The following FGF12 variants were observed in gnomAD, a reference collection of about 807,000 sequenced individuals.
The protein encoded by FGF12 is fibroblast growth factor 12B.
FGF12 carries 14 observed loss-of-function variants against 23.6 expected under a neutral mutation model. The observed-to-expected ratio is 0.59, with a 90% CI of 0.39 to 0.93. The LOEUF (loss-of-function observed/expected upper bound fraction) is 0.93, where lower values mean the gene tolerates loss of function less well. Ranked by LOEUF, FGF12 falls within the 40% of genes least tolerant of loss-of-function variation. FGF12 has a pLI of 0.00. For synonymous variants in FGF12, 62 were observed against 77.3 expected (o/e 0.80, Z 1.04); for missense variants, 175 against 217.8 (o/e 0.80, Z 1.24).
At chr3:192,230,535 T>G (rs949044742) in intron 4 of FGF12, among the ~76,000 whole-genome samples, 1 of 152,052 alleles carries the variant, frequency 6.6e-6, no homozygotes, top group African/African-American at 2.4e-5. Context: ...AGAGAAAAAA[T>G]GCTTTGGATG....
At chr3:192,221,349 A>G (rs1718466807) in intron 4 of FGF12, among the ~76,000 whole-genome samples, 1 of 152,204 alleles carries the variant, frequency 6.6e-6, no homozygotes, top group Non-Finnish European at 1.5e-5. Flanking sequence ...AATCTGACAG[A>G]TCAGCCAATG....
intron 2 of FGF12, among the ~76,000 whole-genome samples, chr3:192,689,795 T>A (rs760714728): frequency 4.0e-5 from 6 of 151,586 alleles, no homozygotes; most frequent in Admixed American, 6.6e-5. Flanking sequence ...GAAATGAACA[T>A]GCAGGTACAT....
At chr3:192,559,992 A>G (rs988810030) in intron 2 of FGF12, among the ~76,000 whole-genome samples, 2 of 152,134 alleles carry the variant, frequency 1.3e-5, no homozygotes, top group Non-Finnish European at 2.9e-5. Flanking sequence ...ATGATATACC[A>G]TAAAATAAGT....
intron 2 of FGF12, among the ~76,000 whole-genome samples, chr3:192,367,095 A>G (rs1719018799): frequency 6.6e-6 from 1 of 152,206 alleles, no homozygotes; most frequent in African/African-American, 2.4e-5. Context: ...CTGAGTGAGA[A>G]TGAAAGGTCT....
At chr3:192,203,133 T>TTGTGTG (rs57503863) in intron 4 of FGF12, among the ~76,000 whole-genome samples, 67 of 148,190 alleles carry the variant, frequency 4.5e-4, no homozygotes, top group African/African-American at 9.1e-4. Context: ...CATTAAATAT[T>TTGTGTG]TGTGTGTGTG....
rs144558083 is a variant in FGF12 at position 192,321,446 on chromosome 3, C to T, written c.228+13915G>A. Among the ~76,000 whole-genome samples the T allele has an allele frequency of 1.1e-3, 164 of 150,582 alleles. 1 individual carries two copies. The highest frequency in any genetic ancestry group is 3.8e-3 in the African/African-American group (155 of 41,106). On this transcript the variant is annotated intron_variant, in intron 4 of 5. Coordinates refer to ENST00000445105, the MANE Select transcript of FGF12 (RefSeq NM_004113.6). ...ATAGAAGAGGAGGGAATAATACTCA[C>T]TCTGTGAGGCCAGTACTACCCCTGA...
intron 2 of FGF12, among the ~76,000 whole-genome samples, chr3:192,582,884 C>T (rs1333738600): frequency 6.6e-6 from 1 of 152,164 alleles, no homozygotes; most frequent in Non-Finnish European, 1.5e-5. Flanking sequence ...CCCTTCCTCA[C>T]ATCCCTAGCC....
intron 4 of FGF12, among the ~76,000 whole-genome samples, chr3:192,212,397 AG>A (rs111363613): frequency 4.6e-5 from 7 of 152,082 alleles, no homozygotes; most frequent in South Asian, 2.1e-4. Flanking sequence ...AGTTAGTTTC[AG>A]GAAAAAAAAA....
At chr3:192,331,311 C>CAAAAAAAAAAAAAAAAAAA (rs201997868) in intron 4 of FGF12, among the ~76,000 whole-genome samples, 1 of 95,988 alleles carries the variant, frequency 1.0e-5, no homozygotes, top group Non-Finnish European at 2.3e-5. Flanking sequence ...GGAGTTTTCT[C>CAAAAAAAAAAAAAAAAAAA]AAAAAAAAAA....
chr3:192,584,753 T>C (rs1713303537), intron 2 of FGF12, among the ~76,000 whole-genome samples: 2 of 152,096 alleles, frequency 1.3e-5, no homozygotes, highest in Non-Finnish European at 2.9e-5. Flanking sequence ...CTAAGATTTT[T>C]TCCTTTCTCT....
chr3:192,640,139 A>G (rs1177824062), intron 2 of FGF12, among the ~76,000 whole-genome samples: 1 of 152,146 alleles, frequency 6.6e-6, no homozygotes, highest in Non-Finnish European at 1.5e-5. Context: ...AGGATGTGGT[A>G]CAACATGAGG....
rs35183560 is a variant in FGF12, at chr3:192,311,927, GTCTATCTATCTA to G, written c.228+23422_228+23433del. Among the ~76,000 whole-genome samples, 478 of 145,456 alleles carry G rather than the reference GTCTATCTATCTA, an allele frequency of 3.3e-3. 4 individuals are homozygous for G. The highest frequency in any genetic ancestry group is 0.011 in the South Asian group (48 of 4,506). ...CATTTCACATTGCTATTGACTGTCT[GTCTATCTATCTA>G]TCTATCTATCTATCTATCTATCTAT... On this transcript the variant is annotated intron_variant, in intron 4 of 5. Transcript: ENST00000445105.
At chr3:192,549,503 C>T (rs975136183) in intron 2 of FGF12, among the ~76,000 whole-genome samples, 2 of 152,038 alleles carry the variant, frequency 1.3e-5, no homozygotes, top group Non-Finnish European at 2.9e-5. Flanking sequence ...AGGATAAAAT[C>T]ACATTTGAAA....
At chr3:192,571,483 C>T (rs753806219) in intron 2 of FGF12, among the ~76,000 whole-genome samples, 4 of 152,238 alleles carry the variant, frequency 2.6e-5, no homozygotes, top group African/African-American at 4.8e-5. Flanking sequence ...GCGGCATCAA[C>T]AGGCAGAAGG....
chr3:192,166,735 T>TGTTA (rs1715181247), intron 5 of FGF12, among the ~76,000 whole-genome samples: 1 of 152,188 alleles, frequency 6.6e-6, no homozygotes, highest in Admixed American at 6.5e-5. Flanking sequence ...TTTATAAAAC[T>TGTTA]GTTAGCTAAG....
chr3:192,725,629 A>G (rs553501935), intron 2 of FGF12, among the ~76,000 whole-genome samples: 2 of 152,318 alleles, frequency 1.3e-5, no homozygotes, highest in South Asian at 4.1e-4. Flanking sequence ...ATTGAACAGG[A>G]ATTAGTATAC....
chr3:192,657,210 C>T (rs1027306860), intron 2 of FGF12, among the ~76,000 whole-genome samples: 1 of 151,394 alleles, frequency 6.6e-6, no homozygotes, highest in African/African-American at 2.4e-5. Context: ...ACGTATTGAA[C>T]ATAATTTAAT....
intron 2 of FGF12, among the ~76,000 whole-genome samples, chr3:192,715,960 C>T (rs2108743087): frequency 6.6e-6 from 1 of 152,334 alleles, no homozygotes; most frequent in East Asian, 1.9e-4. Flanking sequence ...CTCTTTTAAG[C>T]TATGGAATTC....
chr3:192,324,270 T>C (rs76524005), intron 4 of FGF12, among the ~76,000 whole-genome samples: 2,361 of 152,242 alleles, frequency 0.016, 60 homozygotes, highest in African/African-American at 0.053. Context: ...AGAAATACTC[T>C]TCAAGCAATC....
Sources: allele counts gnomAD v4.1 joint callset (sites outside exome capture counted in the v4.1 genomes callset), GRCh38; gene constraint gnomAD v4.1.1; transcripts MANE v1.5; gene names NCBI Gene and HGNC (gene_info 2026-07-23, HGNC 2026-07-21).